The following PRRC2B variants were observed in gnomAD, a reference collection of about 807,000 sequenced individuals.
The protein encoded by PRRC2B is protein PRRC2B.
A neutral mutation model predicts 242.3 loss-of-function variants in PRRC2B; 68 were observed. That is an observed-to-expected ratio of 0.28 (90% CI 0.23 to 0.34). The LOEUF is 0.34. Ranked by LOEUF, PRRC2B falls within the 10% of genes least tolerant of loss-of-function variation. The pLI, the probability that PRRC2B is intolerant of heterozygous loss-of-function variation, is 1.00. For missense variants in PRRC2B, 2,835 were observed against 2,954.8 expected, an observed-to-expected ratio of 0.96 and a Z score of 0.94; for synonymous variants, 1,228 against 1,173.6, an observed-to-expected ratio of 1.05 and a Z score of -0.95.
intron 9 of PRRC2B, among the ~76,000 whole-genome samples, chr9:131,452,846 A>T (rs1401211542): frequency 6.6e-6 from 1 of 152,196 alleles, no homozygotes; most frequent in Non-Finnish European, 1.5e-5. Flanking sequence ...TATGACTAGG[A>T]TATGATCTGT....
At chr9:131,477,676 C>T in intron 16 of PRRC2B, 68 bp from the exon 17 acceptor site, 1 of 933,862 alleles carries the variant, frequency 1.1e-6, no homozygotes, top group South Asian at 1.5e-5. Flanking sequence ...TGTGTGCAGG[C>T]TGTGTGCACG....
chr9:131,397,343 T>TA (rs1246470994), intron 1 of PRRC2B, among the ~76,000 whole-genome samples: 1 of 152,152 alleles, frequency 6.6e-6, no homozygotes, highest in South Asian at 2.1e-4. Context: ...CCCAAATAGG[T>TA]AAAAAGAAAG....
chr9:131,488,175 C>T (rs1944080072), intron 28 of PRRC2B, 79 bp downstream of exon 28: 2 of 1,515,920 alleles, frequency 1.3e-6, no homozygotes, highest in Non-Finnish European at 1.8e-6. Flanking sequence ...ACCCGCCTCT[C>T]AGTGTGTGCT....
chr9:131,465,500 G>A (rs755573581), intron 12 of PRRC2B, among the ~76,000 whole-genome samples: 4 of 152,094 alleles, frequency 2.6e-5, no homozygotes, highest in Non-Finnish European at 5.9e-5. Flanking sequence ...GCCAGCACGC[G>A]GAGGGGTGTA....
chr9:131,477,941 A>T lies in PRRC2B; in HGVS notation c.4604A>T (p.Asn1535Ile). ...GAGGCCATGAAACAGTTTGACCTGA[A>T]CTATGGAAGTAAGTCATCCTCATAT... is the stretch of plus-strand genomic sequence containing the variant. ...QGEAMKQFDL[N>I]YGSAIIENCG... Residue 1535 changes from asparagine to isoleucine, a missense_variant, in exon 17 of 32, where the codon AAC becomes ATC. This residue lies in a region of PRRC2B where 1,536 missense variants were observed against 1,483.1 expected (regional missense o/e 1.04). Transcript: ENST00000683519. 1.2e-6 allele frequency: 2 copies of T among 1,613,780 alleles called. No homozygotes were observed. Among genetic ancestry groups the T allele is most frequent in the Non-Finnish European group, 1.7e-6 (2 of 1,179,668 alleles).
intron 1 of PRRC2B, among the ~76,000 whole-genome samples, chr9:131,374,377 G>A (rs1326963610): frequency 2.6e-5 from 4 of 152,062 alleles, no homozygotes; most frequent in African/African-American, 4.8e-5. Flanking sequence ...AGAGTTGCAG[G>A]TGACGCCTTC....
Position 131,384,574 on chromosome 9 carries a change from G to T in PRRC2B, c.-56+10843G>T, listed in dbSNP as rs560499728. On this transcript the variant is annotated intron_variant, in intron 1 of 1. Transcript: ENST00000682525. ...GCTAGGATTACAGGTGTGAGCCACT[G>T]CGCCCGGCCTAATTTTTGTATTTTT... 2.0e-3 allele frequency among the ~76,000 whole-genome samples: 306 copies of T among 152,088 alleles called. 1 individual carries two copies. The highest frequency in any genetic ancestry group is 7.0e-3 in the African/African-American group (292 of 41,476).
rs1292184065 is a variant in PRRC2B at position 131,482,144 on chromosome 9, G to A, written c.4984-227G>A. Among the ~76,000 whole-genome samples the A allele has an allele frequency of 3.9e-5, 6 of 152,218 alleles. No individual in the cohort carries two copies. Among genetic ancestry groups the A allele is most frequent in the African/African-American group, 1.2e-4 (5 of 41,450 alleles). ...AAGTGAGATGGGTTTGGCAGCCTCG[G>A]TCTGGGGCCCATAGAAGATCCTGTG... On this transcript the variant is annotated intron_variant, in intron 20 of 31. Coordinates refer to ENST00000683519, the MANE Select transcript of PRRC2B (RefSeq NM_013318.4). The surrounding 1 kb of genome is among the most constrained non-coding windows in gnomAD (Gnocchi z 5.2).
chr9:131,427,345 T>TGTGTG (rs58302071), intron 1 of PRRC2B, among the ~76,000 whole-genome samples: 1 of 151,338 alleles, frequency 6.6e-6, no homozygotes, highest in Non-Finnish European at 1.5e-5. Flanking sequence ...GTGTGTGTGT[T>TGTGTG]TTTTTGATGG....
At chr9:131,432,843 G>A in intron 3 of PRRC2B, 49 bp downstream of exon 3, 2 of 1,591,444 alleles carry the variant, frequency 1.3e-6, no homozygotes, top group Non-Finnish European at 1.7e-6. Context: ...TCCAAGGGTG[G>A]TCCCGGCATC....
chr9:131,391,321 C>A (rs1023522583), upstream of PRRC2B, among the ~76,000 whole-genome samples: 3 of 151,992 alleles, frequency 2.0e-5, no homozygotes, highest in African/African-American at 4.8e-5. Flanking sequence ...GGCGTGAGGT[C>A]CTGCGTCATT....
At chr9:131,420,493 C>CT (rs146073511) in intron 1 of PRRC2B, among the ~76,000 whole-genome samples, 1,997 of 30,220 alleles carry the variant, frequency 0.066, 206 homozygotes, top group East Asian at 0.17. Context: ...TTCTTTCTTT[C>CT]TTTTTTTTTT....
intron 9 of PRRC2B, among the ~76,000 whole-genome samples, chr9:131,454,415 C>T (rs921115753): frequency 6.6e-6 from 1 of 152,118 alleles, no homozygotes; most frequent in Admixed American, 6.5e-5. Flanking sequence ...TCCTCTTGGG[C>T]CTTGAAATAG....
rs149246443 is a variant in PRRC2B, at chr9:131,483,271, G to A, written c.5374-88G>A. ...CTGCTCAGTGGAGTTTTTGAGTCGG[G>A]GAAACTGCATCACGTTAATGTATGC... is the stretch of plus-strand genomic sequence containing the variant. On this transcript the variant is annotated intron_variant, in intron 22 of 31. Transcript: ENST00000683519. The A allele has an allele frequency of 5.6e-3, 7,213 of 1,291,958 alleles. 33 individuals are homozygous for A. The highest frequency in any genetic ancestry group is 0.025 in the Middle Eastern group (137 of 5,388). 80.0% of individuals were successfully genotyped at this position (1,291,958 alleles called of 1,614,324 possible).
Position 131,483,454 on chromosome 9 carries a change from A to G in PRRC2B, c.5460+9A>G, listed in dbSNP as rs184504924. On this transcript the variant is annotated intron_variant, in intron 23 of 31. Transcript: ENST00000683519. ...ATGCCTTGGCCAGTAATGTAAGTCC[A>G]CACTTCCACTTTTGGCTCCACTCAC... 3.0e-5 allele frequency: 48 copies of G among 1,612,712 alleles called. No homozygotes were observed. In the Admixed American group the frequency reaches 5.8e-4, roughly 20 times the overall value.
rs1174028867 is a variant in PRRC2B, at chr9:131,479,280, C to A, written c.4787C>A (p.Ser1596Tyr). 2.5e-6 allele frequency: 4 copies of A among 1,613,890 alleles called. No individual in the cohort carries two copies. The highest frequency in any genetic ancestry group is 3.4e-6 in the Non-Finnish European group (4 of 1,179,840). ...CCTGTCAAAGGTCGAGGCCTTTCCT[C>A]CCGTATTCCTCCTCGATTTGCAAAA... is the stretch of plus-strand genomic sequence containing the variant. ...QVPVKGRGLS[S>Y]RIPPRFAKKQ... The change falls in exon 19 of 32, where the codon TCC becomes TAC. Residue 1596 changes from serine (S) to tyrosine (Y), a missense_variant. Coordinates refer to ENST00000683519, the MANE Select transcript of PRRC2B (RefSeq NM_013318.4).
At chr9:131,377,277 G>C (rs1437252435) in intron 1 of PRRC2B, among the ~76,000 whole-genome samples, 3 of 152,174 alleles carry the variant, frequency 2.0e-5, no homozygotes, top group Non-Finnish European at 4.4e-5. Flanking sequence ...ACCATGCCCA[G>C]CTAATTTTTG....
chr9:131,430,524 T>C (rs1838114822), intron 2 of PRRC2B, among the ~76,000 whole-genome samples: 1 of 147,590 alleles, frequency 6.8e-6, no homozygotes. Flanking sequence ...GATAGATAGA[T>C]AGATATCTAT....
intron 13 of PRRC2B, among the ~76,000 whole-genome samples, chr9:131,469,235 G>A (rs531184373): frequency 1.9e-4 from 29 of 152,340 alleles, no homozygotes; most frequent in African/African-American, 7.0e-4. Context: ...TCAGGAGGCT[G>A]AGGTAGGAGA....
Sources: gnomAD v4.1 joint callset for allele counts (sites outside exome capture counted in the v4.1 genomes callset) on GRCh38, gnomAD v4.1.1 for gene constraint, gnomAD v4.1.1 regional missense constraint, Gnocchi (gnomAD v3.1) non-coding constraint, MANE v1.5 for transcripts, NCBI Gene and HGNC (gene_info 2026-07-23, HGNC 2026-07-21) for gene names.